The following C2orf42 variants were observed in gnomAD, a reference collection of about 807,000 sequenced individuals.
C2orf42 encodes uncharacterized protein C2orf42.
A neutral mutation model predicts 58.9 loss-of-function variants in C2orf42; 44 were observed. The ratio of observed to expected loss-of-function variants is 0.75; its 90% confidence interval spans 0.59 to 0.96. C2orf42 has a LOEUF of 0.96. Among genes scored for constraint, C2orf42 ranks in the 40% least tolerant of loss-of-function variants. The pLI is 0.00. For missense variants in C2orf42, 630 were observed against 699.2 expected (o/e 0.90, Z 1.12); for synonymous variants, 239 against 265.4 (o/e 0.90, Z 0.97).
At chr2:70,160,476 G>A in intron 9 of C2orf42, 149 bp downstream of exon 9, 1 of 556,416 alleles carries the variant, frequency 1.8e-6, no homozygotes, top group Non-Finnish European at 3.1e-6. Flanking sequence ...TGGTTCAATT[G>A]AAACAAAATA....
intron 9 of C2orf42, among the ~76,000 whole-genome samples, chr2:70,156,211 G>A (rs180868818): frequency 4.1e-4 from 62 of 152,070 alleles, no homozygotes; most frequent in South Asian, 4.1e-4. Flanking sequence ...GACAGAGAAC[G>A]TAGTCCATTT....
rs3821274 is a variant in C2orf42, at chr2:70,181,806, A to T, written c.180T>A (p.Ser60Arg). ...IFRYGARKQP[S>R]VEAVKIITGS... Reference sequence around the variant, plus strand: ...CTGTAATGATTTTGACAGCTTCAACACTAGGCTGCTTGCGTGCACCGTAGC... The same window carrying T: ...CTGTAATGATTTTGACAGCTTCAACTCTAGGCTGCTTGCGTGCACCGTAGC... Residue 60 changes from serine to arginine, a missense_variant, in exon 3 of 10, where the codon AGT becomes AGA. Physicochemically the swap from Ser to Arg is moderately radical, Grantham distance 110 (BLOSUM62 -1). Coordinates refer to ENST00000264434, the MANE Select transcript of C2orf42 (RefSeq NM_017880.3). The T allele has an allele frequency of 3.7e-6, 6 of 1,614,118 alleles. No individual in the cohort carries two copies. Among genetic ancestry groups the T allele is most frequent in the Non-Finnish European group, 5.1e-6 (6 of 1,180,020 alleles).
At chr2:70,166,249 G>C (rs932446823) in intron 6 of C2orf42, among the ~76,000 whole-genome samples, 1 of 151,506 alleles carries the variant, frequency 6.6e-6, no homozygotes, top group Admixed American at 6.6e-5. Flanking sequence ...AGCTACTTGG[G>C]AGGCTGAGGT....
At chr2:70,176,478 T>A (rs1674201796) in intron 4 of C2orf42, among the ~76,000 whole-genome samples, 1 of 151,164 alleles carries the variant, frequency 6.6e-6, no homozygotes, top group Admixed American at 6.7e-5. Context: ...CACTCCAGCC[T>A]GGGCGACAGA....
At chr2:70,179,663 G>A in intron 3 of C2orf42, 21 bp from the exon 4 acceptor site, 1 of 985,010 alleles carries the variant, frequency 1.0e-6, no homozygotes, top group Non-Finnish European at 1.6e-6. Flanking sequence ...GAAGATTTCT[G>A]AATTATTAAT....
intron 1 of C2orf42, among the ~76,000 whole-genome samples, chr2:70,184,479 A>ATTTTT (rs771522645): frequency 1.3e-5 from 1 of 77,356 alleles, no homozygotes; most frequent in Non-Finnish European, 2.3e-5. Flanking sequence ...GCCTGGCCCT[A>ATTTTT]TTTTTTTTTT....
intron 8 of C2orf42, among the ~76,000 whole-genome samples, chr2:70,162,536 C>T (rs993295131): frequency 5.3e-5 from 8 of 151,524 alleles, no homozygotes; most frequent in Non-Finnish European, 7.4e-5. Flanking sequence ...CCCAGCTACT[C>T]GGGAGGCTGA....
At chr2:70,159,182 G>A (rs996651402) in intron 9 of C2orf42, among the ~76,000 whole-genome samples, 10 of 152,096 alleles carry the variant, frequency 6.6e-5, no homozygotes, top group South Asian at 2.1e-4. Context: ...CACCGTGCCC[G>A]GCCCTCGGCG....
rs1303007990 is a variant in C2orf42, at chr2:70,150,188, A to T, written c.*168T>A. The T allele has an allele frequency of 1.6e-6, 1 of 624,230 alleles. No individual in the cohort carries two copies. Among genetic ancestry groups the T allele is most frequent in the Non-Finnish European group, 2.8e-6 (1 of 352,638 alleles). The allele number at this position is 624,230 out of a possible 1,614,324, so 38.7% of individuals were successfully genotyped here. A position where few individuals can be genotyped will look rare whatever the true frequency, so the allele number is the denominator to read the frequency against. On this transcript the variant is annotated 3_prime_UTR_variant, in exon 10 of 10. Transcript: ENST00000264434. ...CAGCAGCATCAAAAAGGCTATTTAC[A>T]AGAGATTTTCTTCAACAGAATCCAC...
intron 1 of C2orf42, among the ~76,000 whole-genome samples, chr2:70,188,022 A>G (rs930116669): frequency 7.2e-5 from 11 of 152,264 alleles, no homozygotes; most frequent in East Asian, 3.9e-4. Context: ...AGCTAAAGAC[A>G]GTACAGAGAC....
chr2:70,165,092 C>A lies in C2orf42; in HGVS notation c.1353G>T (p.Glu451Asp). 6.5e-7 allele frequency: 1 copy of A among 1,543,618 alleles called. No homozygotes were observed. The highest frequency in any genetic ancestry group is 8.9e-7 in the Non-Finnish European group (1 of 1,119,274). ...LQVKQILDTP[E>D]MPLEITRSFI... Reference sequence around the variant, plus strand: ...CACTGTTATAGAAATAAACTCTCACCTCTGGGGTATCTAAGATTTGTTTAA... The same window carrying A: ...CACTGTTATAGAAATAAACTCTCACATCTGGGGTATCTAAGATTTGTTTAA... The change falls in exon 8 of 10, where the codon GAG (glutamate) becomes GAT (aspartate). Residue 451 changes from glutamate to aspartate, a missense_variant and splice_region_variant. Physicochemically the swap from Glu to Asp is conservative, Grantham distance 45. Transcript: ENST00000264434.
intron 6 of C2orf42, among the ~76,000 whole-genome samples, chr2:70,166,719 A>G (rs1479297160): frequency 1.3e-5 from 2 of 152,000 alleles, no homozygotes; most frequent in African/African-American, 2.4e-5. Flanking sequence ...AACACAGTAG[A>G]CCCTTGTCAT....
At position 70,181,050 on chromosome 2, in the gene C2orf42, T is replaced by C; in HGVS notation, c.823+113A>G. 9.5e-6 allele frequency: 5 copies of C among 528,142 alleles called. 1 individual carries two copies. The South Asian group carries it at 1.7e-4, about 18-fold the overall frequency. The allele number at this position is 528,142 out of a possible 1,614,324, so 32.7% of individuals were successfully genotyped here. ...AAAGAAGGAACACTTTTCATTTGAA[T>C]TATCTAGCAACTGTTTCTGAAGGTT... On this transcript the variant is annotated intron_variant, in intron 3 of 9. Coordinates refer to ENST00000264434, the MANE Select transcript of C2orf42 (RefSeq NM_017880.3).
chr2:70,157,327 C>G (rs949167465), intron 9 of C2orf42, among the ~76,000 whole-genome samples: 6 of 151,846 alleles, frequency 4.0e-5, no homozygotes, highest in Non-Finnish European at 7.4e-5. Context: ...GGTGGCGGGC[C>G]TCTGTAGTCC....
intron 4 of C2orf42, among the ~76,000 whole-genome samples, chr2:70,177,167 G>A (rs1272148632): frequency 6.6e-6 from 1 of 151,940 alleles, no homozygotes. Flanking sequence ...AGCTACTTAG[G>A]AGACCGAGGC....
intron 4 of C2orf42, among the ~76,000 whole-genome samples, chr2:70,176,060 G>A (rs1674171243): frequency 1.3e-5 from 2 of 152,030 alleles, no homozygotes; most frequent in African/African-American, 4.8e-5. Flanking sequence ...ACTGTCTTCC[G>A]TTTTCTTCTC....
chr2:70,154,414 T>TAAAAAAA (rs36028499), intron 9 of C2orf42, among the ~76,000 whole-genome samples: 2 of 25,600 alleles, frequency 7.8e-5, no homozygotes, highest in African/African-American at 1.5e-4. Context: ...AAATTTTTAC[T>TAAAAAAA]AAAAAAAAAA....
chr2:70,174,668 C>A (rs1440959604), intron 5 of C2orf42, among the ~76,000 whole-genome samples: 2 of 151,902 alleles, frequency 1.3e-5, no homozygotes, highest in Non-Finnish European at 1.5e-5. Context: ...CCCTCCCAAC[C>A]CCCTCTTTCT....
intron 9 of C2orf42, among the ~76,000 whole-genome samples, chr2:70,155,808 AG>A (rs1350008344): frequency 7.9e-5 from 9 of 114,494 alleles, no homozygotes; most frequent in Non-Finnish European, 1.5e-4. Flanking sequence ...TCAAAAAAAA[AG>A]AAAAAAAAAA....
Sources: allele counts gnomAD v4.1 joint callset (sites outside exome capture counted in the v4.1 genomes callset), GRCh38; gene constraint gnomAD v4.1.1; transcripts MANE v1.5; gene names NCBI Gene and HGNC (gene_info 2026-07-23, HGNC 2026-07-21).